The following ICA1L variants were observed in gnomAD, a reference collection of about 807,000 sequenced individuals.
The protein encoded by ICA1L is islet cell autoantigen 1-like protein.
In ICA1L, 50 loss-of-function variants were observed where a neutral mutation model predicts 61.3. The observed-to-expected ratio is 0.82, with a 90% CI of 0.65 to 1.03. The LOEUF (loss-of-function observed/expected upper bound fraction) is 1.03. Ranked by LOEUF, ICA1L falls within the 50% of genes least tolerant of loss-of-function variation. The pLI is 0.00. For missense variants in ICA1L, 508 were observed against 556.7 expected, an observed-to-expected ratio of 0.91 and a Z score of 0.88; for synonymous variants, 161 against 191.3, an observed-to-expected ratio of 0.84 and a Z score of 1.31.
chr2:202,869,156 G>A (rs1490859440), intron 1 of ICA1L, among the ~76,000 whole-genome samples: 2 of 151,866 alleles, frequency 1.3e-5, no homozygotes, highest in Non-Finnish European at 2.9e-5. Flanking sequence ...TCAGGAGATC[G>A]AGACCATCCT....
intron 9 of ICA1L, among the ~76,000 whole-genome samples, chr2:202,807,086 C>G (rs548605851): frequency 5.9e-5 from 9 of 152,182 alleles, no homozygotes; most frequent in African/African-American, 1.2e-4. Flanking sequence ...TCATTTCCCC[C>G]CTGTACCCCA....
At chr2:202,797,870 G>A (rs1692977187) in intron 9 of ICA1L, among the ~76,000 whole-genome samples, 1 of 152,012 alleles carries the variant, frequency 6.6e-6, no homozygotes, top group East Asian at 1.9e-4. Context: ...CAGTCACCAC[G>A]TTTTACAATA....
At chr2:202,863,151 G>A (rs1269126630) in intron 1 of ICA1L, among the ~76,000 whole-genome samples, 6 of 151,970 alleles carry the variant, frequency 3.9e-5, no homozygotes, top group Non-Finnish European at 8.8e-5. Flanking sequence ...AATTAGCCGG[G>A]TGTGGTGGCA....
intron 1 of ICA1L, among the ~76,000 whole-genome samples, chr2:202,843,791 A>G (rs970414076): frequency 6.6e-6 from 1 of 152,246 alleles, no homozygotes. Flanking sequence ...GTGGCAGCAG[A>G]GCTGGTACCC....
In ICA1L at chr2:202,825,730, A is replaced by G. The variant is rs140408869; in HGVS notation, c.200T>C (p.Leu67Pro). 19 of 1,583,598 alleles carry G rather than the reference A, an allele frequency of 1.2e-5. No homozygotes were observed. The East Asian group carries it at 3.6e-4, about 30-fold the overall frequency. The change falls in exon 3 of 13, where the codon CTG (leucine) becomes CCG (proline). Residue 67 changes from leucine (L) to proline (P), a missense_variant. Leu to Pro is a moderately conservative substitution (Grantham distance 98, BLOSUM62 -3). Coordinates refer to ENST00000358299, the MANE Select transcript of ICA1L (RefSeq NM_001288622.3). Reference sequence around the variant, plus strand: ...TAGCTGGTATTTCTCGATTATCTTCAGAAGTTCAGTGCATGTCTCTTGAAC... The same window carrying G: ...TAGCTGGTATTTCTCGATTATCTTCGGAAGTTCAGTGCATGTCTCTTGAAC... The part of the protein sequence containing the change: ...HSVQETCTEL[L>P]KIIEKYQLRL...
chr2:202,848,353 T>A (rs1055460154), intron 1 of ICA1L, among the ~76,000 whole-genome samples: 1 of 152,214 alleles, frequency 6.6e-6, no homozygotes, highest in Admixed American at 6.5e-5. Context: ...TGCATGGGAC[T>A]CAATCTAATA....
At chr2:202,845,229 G>A (rs904793910) in intron 1 of ICA1L, among the ~76,000 whole-genome samples, 1 of 152,108 alleles carries the variant, frequency 6.6e-6, no homozygotes, top group Non-Finnish European at 1.5e-5. Context: ...ATAGGTTTCA[G>A]GAATTAGGAC....
intron 1 of ICA1L, among the ~76,000 whole-genome samples, chr2:202,862,378 A>G (rs1694945771): frequency 6.7e-6 from 1 of 149,228 alleles, no homozygotes; most frequent in Admixed American, 6.8e-5. Context: ...ACTTGAGCCC[A>G]GGAAGTGTGA....
intron 1 of ICA1L, among the ~76,000 whole-genome samples, chr2:202,851,010 C>CT (rs201119733): frequency 5.1e-4 from 74 of 145,006 alleles, no homozygotes; most frequent in Admixed American, 8.3e-4. Context: ...AAATAATTTT[C>CT]TTTTTTTTTT....
At chr2:202,840,118 CAA>C (rs71030994) in intron 1 of ICA1L, among the ~76,000 whole-genome samples, 27 of 87,128 alleles carry the variant, frequency 3.1e-4, no homozygotes, top group Admixed American at 7.0e-4. Flanking sequence ...TATTTTGGAC[CAA>C]AAAAAAAAAA....
In ICA1L at chr2:202,778,227, T is replaced by TAAAAC. The variant is rs1257706965; in HGVS notation, c.*1301_*1305dup. On this transcript the variant is annotated 3_prime_UTR_variant, in exon 13 of 13. Transcript: ENST00000358299. ...AATGCAATGGACTGGATGACAAATA[T>TAAAAC]AAAACAAACACACACTTGGGAAATT... The TAAAAC allele has an allele frequency of 3.9e-5, 6 of 152,164 alleles. No homozygotes were observed. In the East Asian group the frequency reaches 1.2e-3, roughly 29 times the overall value. The allele number at this position is 152,164 out of a possible 1,614,324, so 9.4% of individuals were successfully genotyped here.
At chr2:202,811,173 G>A (rs752205132) in intron 9 of ICA1L, among the ~76,000 whole-genome samples, 10 of 152,052 alleles carry the variant, frequency 6.6e-5, no homozygotes, top group Admixed American at 1.3e-4. Flanking sequence ...GGGGCATCAC[G>A]GAAGCTGCTG....
intron 1 of ICA1L, among the ~76,000 whole-genome samples, chr2:202,837,261 G>A (rs944254937): frequency 4.6e-5 from 7 of 151,496 alleles, no homozygotes; most frequent in African/African-American, 1.7e-4. Context: ...CTAACTAAAG[G>A]CTTACCAATT....
intron 4 of ICA1L, 97 bp from the exon 5 acceptor site, chr2:202,819,996 T>A: frequency 1.1e-6 from 1 of 895,358 alleles, no homozygotes; most frequent in Non-Finnish European, 1.7e-6. Flanking sequence ...GCTAACAAGA[T>A]GAATCTACAA....
intron 7 of ICA1L, 58 bp downstream of exon 7, chr2:202,815,853 G>T: frequency 1.1e-5 from 10 of 947,628 alleles, no homozygotes; most frequent in East Asian, 3.0e-5. Flanking sequence ...AAGTTTCAAT[G>T]TTATCACCCA....
intron 1 of ICA1L, among the ~76,000 whole-genome samples, chr2:202,856,587 C>T (rs1694776456): frequency 6.6e-6 from 1 of 152,176 alleles, no homozygotes. Flanking sequence ...AGGATGCTCA[C>T]TCTCATTACT....
At chr2:202,840,721 G>A (rs554365900) in intron 1 of ICA1L, 30 of 598,164 alleles carry the variant, frequency 5.0e-5, no homozygotes, top group African/African-American at 2.6e-4. Flanking sequence ...CCTCCAGCTC[G>A]GAGAGCTTGG....
Position 202,774,539 on chromosome 2 carries a change from A to C in ICA1L, c.*4994T>G, listed in dbSNP as rs1347811004. The stretch of plus-strand genomic sequence containing the variant: ...CCACAAGAGATATCACAGGAGAGAC[A>C]CAGGAAAAAAAGTTGTAATATACTC... On this transcript the variant is annotated 3_prime_UTR_variant, in exon 13 of 13. Transcript: ENST00000358299. 6 of 401,984 alleles carry C rather than the reference A, an allele frequency of 1.5e-5. No individual in the cohort carries two copies. The highest frequency in any genetic ancestry group is 2.6e-5 in the Non-Finnish European group (6 of 227,786). 24.9% of individuals were successfully genotyped at this position (401,984 alleles called of 1,614,324 possible). A position where few individuals can be genotyped will look rare whatever the true frequency, so the allele number is the denominator to read the frequency against.
rs530547636 is a variant in ICA1L, at chr2:202,856,975, TAA to T, written c.-8+14642_-8+14643del. Among the ~76,000 whole-genome samples, 147 of 152,130 alleles carry T rather than the reference TAA, an allele frequency of 9.7e-4. 1 individual carries two copies. Among genetic ancestry groups the T allele is most frequent in the African/African-American group, 3.4e-3 (140 of 41,510 alleles). Reference sequence around the variant, plus strand: ...AACTACAAACCACTGCTCAAGGAAATAAGAGAGGATACAAACAAATGCAAAGA... The same window carrying T: ...AACTACAAACCACTGCTCAAGGAAATGAGAGGATACAAACAAATGCAAAGA... On this transcript the variant is annotated intron_variant, in intron 1 of 12. Coordinates refer to ENST00000358299, the MANE Select transcript of ICA1L (RefSeq NM_001288622.3).
Sources: allele counts gnomAD v4.1 joint callset (sites outside exome capture counted in the v4.1 genomes callset), GRCh38; gene constraint gnomAD v4.1.1; transcripts MANE v1.5; gene names NCBI Gene and HGNC (gene_info 2026-07-23, HGNC 2026-07-21).